The following ARHGAP15 variants were observed in gnomAD, a reference collection of about 807,000 sequenced individuals.
The protein encoded by ARHGAP15 is Rho GTPase activating protein 15.
ARHGAP15 carries 51 observed loss-of-function variants against 63.7 expected under a neutral mutation model. The observed-to-expected ratio is 0.80, with a 90% CI of 0.64 to 1.01. The LOEUF is 1.01. Among genes scored for constraint, ARHGAP15 ranks in the 50% least tolerant of loss-of-function variants. The pLI, the probability that ARHGAP15 is intolerant of heterozygous loss-of-function variation, is 0.00. For missense variants in ARHGAP15, 560 were observed against 564.6 expected (o/e 0.99, Z 0.08); for synonymous variants, 191 against 193.8 (o/e 0.99, Z 0.12).
chr2:143,287,850 G>A (rs1233016841), intron 6 of ARHGAP15, among the ~76,000 whole-genome samples: 1 of 152,058 alleles, frequency 6.6e-6, no homozygotes, highest in Non-Finnish European at 1.5e-5. Context: ...TCTGCTCTGT[G>A]GGTCTCTCCA....
intron 6 of ARHGAP15, among the ~76,000 whole-genome samples, chr2:143,397,316 A>ATGTGTGTGTGTGTGTG (rs71411383): frequency 1.5e-4 from 22 of 147,732 alleles, no homozygotes; most frequent in African/African-American, 5.0e-4. Flanking sequence ...TGAGATATGT[A>ATGTGTGTGTGTGTGTG]TGTGTGTGTG....
At chr2:143,447,729 T>G (rs929685570) in intron 8 of ARHGAP15, among the ~76,000 whole-genome samples, 2 of 152,194 alleles carry the variant, frequency 1.3e-5, no homozygotes, top group African/African-American at 4.8e-5. Context: ...GTTTTGCCAT[T>G]TTTTAAACCT....
intron 10 of ARHGAP15, among the ~76,000 whole-genome samples, chr2:143,551,168 C>T (rs774793749): frequency 6.6e-6 from 1 of 152,042 alleles, no homozygotes; most frequent in Admixed American, 6.6e-5. Context: ...CTTTTCTTTT[C>T]GAGACAGGGC....
chr2:143,346,230 TCTCTCTCACACACACACA>T (rs1685285236), intron 6 of ARHGAP15, among the ~76,000 whole-genome samples: 1 of 42,096 alleles, frequency 2.4e-5, no homozygotes, highest in African/African-American at 1.3e-4. Context: ...TCACACACAC[TCTCTCTCACACACACACA>T]CTCACACACA....
At chr2:143,222,254 G>A (rs1693032516) in intron 4 of ARHGAP15, among the ~76,000 whole-genome samples, 1 of 152,224 alleles carries the variant, frequency 6.6e-6, no homozygotes, top group African/African-American at 2.4e-5. Flanking sequence ...ATCAATCAGG[G>A]ACATTAGAAT....
intron 8 of ARHGAP15, among the ~76,000 whole-genome samples, chr2:143,449,385 G>A (rs906075268): frequency 2.2e-4 from 34 of 151,936 alleles, no homozygotes; most frequent in African/African-American, 5.1e-4. Flanking sequence ...TCTTCTTTTC[G>A]GAACACATAA....
chr2:143,426,712 G>A (rs1033042076), intron 6 of ARHGAP15, among the ~76,000 whole-genome samples: 5 of 152,124 alleles, frequency 3.3e-5, no homozygotes, highest in Admixed American at 1.3e-4. Flanking sequence ...TTTGGGTAGC[G>A]AGTCCCCAAG....
chr2:143,626,856 A>T (rs929595237), intron 12 of ARHGAP15, among the ~76,000 whole-genome samples: 1 of 152,084 alleles, frequency 6.6e-6, no homozygotes, highest in African/African-American at 2.4e-5. Flanking sequence ...TTATGATCTG[A>T]AAGTTTGTTT....
At chr2:143,553,932 T>G (rs1178768252) in intron 10 of ARHGAP15, among the ~76,000 whole-genome samples, 1 of 152,204 alleles carries the variant, frequency 6.6e-6, no homozygotes, top group Admixed American at 6.5e-5. Context: ...ACACCTTGTA[T>G]AAATGAATAT....
At chr2:143,512,358 T>C (rs1693627438) in intron 9 of ARHGAP15, among the ~76,000 whole-genome samples, 1 of 152,204 alleles carries the variant, frequency 6.6e-6, no homozygotes, top group Non-Finnish European at 1.5e-5. Context: ...AAAATGCATA[T>C]TCGTCACTGG....
chr2:143,409,649 G>A (rs546246883), intron 6 of ARHGAP15, among the ~76,000 whole-genome samples: 94 of 152,118 alleles, frequency 6.2e-4, no homozygotes, highest in African/African-American at 2.0e-3. Flanking sequence ...TGGCAGTTCC[G>A]TAGGAATATA....
intron 13 of ARHGAP15, among the ~76,000 whole-genome samples, chr2:143,758,571 C>T (rs960407601): frequency 3.3e-5 from 5 of 152,080 alleles, no homozygotes; most frequent in African/African-American, 1.2e-4. Context: ...CACACGACTG[C>T]TTGTTTGCTT....
chr2:143,670,400 T>C (rs1682457471), intron 12 of ARHGAP15, among the ~76,000 whole-genome samples: 1 of 152,200 alleles, frequency 6.6e-6, no homozygotes, highest in Admixed American at 6.5e-5. Context: ...TCAGCGAGAC[T>C]GATGACTCAG....
At chr2:143,428,972 A>C (rs973778764) in intron 6 of ARHGAP15, among the ~76,000 whole-genome samples, 1 of 152,066 alleles carries the variant, frequency 6.6e-6, no homozygotes, top group Non-Finnish European at 1.5e-5. Context: ...ACACCCCCCC[A>C]GTTTAAAAAT....
intron 6 of ARHGAP15, among the ~76,000 whole-genome samples, chr2:143,370,811 C>T (rs1359030114): frequency 6.6e-6 from 1 of 152,172 alleles, no homozygotes; most frequent in East Asian, 1.9e-4. Flanking sequence ...AAGCACACTT[C>T]CTTTCATTTA....
intron 8 of ARHGAP15, among the ~76,000 whole-genome samples, chr2:143,452,723 G>A (rs1464531977): frequency 2.0e-5 from 3 of 150,922 alleles, no homozygotes; most frequent in Non-Finnish European, 4.4e-5. Context: ...TTGATCATGG[G>A]AGAGTAGGAG....
At chr2:143,168,595 A>G (rs1175331833) in intron 2 of ARHGAP15, among the ~76,000 whole-genome samples, 7 of 149,834 alleles carry the variant, frequency 4.7e-5, no homozygotes. Flanking sequence ...CTTGTCATCA[A>G]GTTTTAAATA....
chr2:143,210,172 G>A (rs1692511256), intron 3 of ARHGAP15, among the ~76,000 whole-genome samples: 1 of 152,100 alleles, frequency 6.6e-6, no homozygotes, highest in African/African-American at 2.4e-5. Context: ...ATAGAATTCA[G>A]GGAAGAAGAG....
intron 11 of ARHGAP15, among the ~76,000 whole-genome samples, chr2:143,567,627 T>C (rs1165982970): frequency 1.3e-5 from 2 of 152,172 alleles, no homozygotes; most frequent in East Asian, 3.9e-4. Flanking sequence ...GCCAGCCTTG[T>C]CCTTTAGGCC....
Sources: gnomAD v4.1 joint callset for allele counts (sites outside exome capture counted in the v4.1 genomes callset) on GRCh38, gnomAD v4.1.1 for gene constraint, MANE v1.5 for transcripts, NCBI Gene and HGNC (gene_info 2026-07-23, HGNC 2026-07-21) for gene names.